MAPK13: variants seen among roughly 807,000 people sequenced by gnomAD.
The protein encoded by MAPK13 is mitogen-activated protein kinase 13.
MAPK13 carries 39 observed loss-of-function variants against 53.5 expected under a neutral mutation model. That is an observed-to-expected ratio of 0.73 (90% CI 0.56 to 0.95). The LOEUF is 0.95. Among genes scored for constraint, MAPK13 ranks in the 40% least tolerant of loss-of-function variants. The pLI, the probability that MAPK13 is intolerant of heterozygous loss-of-function variation, is 0.00. For synonymous variants in MAPK13, 179 were observed against 190.9 expected (o/e 0.94, Z 0.51); for missense variants, 460 against 471.8 (o/e 0.98, Z 0.23).
At chr6:36,135,000 G>A (rs958035066) in intron 3 of MAPK13, among the ~76,000 whole-genome samples, 1 of 152,184 alleles carries the variant, frequency 6.6e-6, no homozygotes, top group Non-Finnish European at 1.5e-5. Context: ...GGGCGACAGA[G>A]CAAGACTCCA....
chr6:36,136,039 C>A lies in MAPK13; in HGVS notation c.438C>A (p.Val146=). The A allele has an allele frequency of 2.5e-6, 4 of 1,614,068 alleles. No homozygotes were observed. The highest frequency in any genetic ancestry group is 3.4e-6 in the Non-Finnish European group (4 of 1,180,008). ...KGLKYIHSAG[V]VHRDLKPGNL... is the part of the protein sequence containing the mutation. ...CATAGTACATCCACTCTGCTGGGGTCGTGCACAGGGTGAGTGCTTTCTCTG... is the reference window on the plus strand; with the variant it reads ...CATAGTACATCCACTCTGCTGGGGTAGTGCACAGGGTGAGTGCTTTCTCTG... Residue 146 remains valine, a synonymous_variant, in exon 5 of 12, where the codon GTC becomes GTA. Coordinates refer to ENST00000211287, the MANE Select transcript of MAPK13 (RefSeq NM_002754.5).
chr6:36,139,492 C>T lies in MAPK13; in HGVS notation c.*119C>T, dbSNP rs1766491212. 1.3e-6 allele frequency: 1 copy of T among 781,938 alleles called. No homozygotes were observed. The highest frequency in any genetic ancestry group is 1.7e-5 in the African/African-American group (1 of 58,076). The allele number at this position is 781,938 out of a possible 1,614,324, so 48.4% of individuals were successfully genotyped here. On this transcript the variant is annotated 3_prime_UTR_variant, in exon 12 of 12. Coordinates refer to ENST00000211287, the MANE Select transcript of MAPK13 (RefSeq NM_002754.5). The stretch of plus-strand genomic sequence containing the variant: ...AAGCAGAGGACAGAAGGGTCCTTCT[C>T]CTTATGTGGGAAATGGGCCTAGTAG...
intron 3 of MAPK13, among the ~76,000 whole-genome samples, chr6:36,133,251 G>T (rs188184857): frequency 3.3e-5 from 5 of 152,352 alleles, no homozygotes; most frequent in African/African-American, 1.2e-4. Context: ...AATCTGGACT[G>T]ACCCTACAGG....
At chr6:36,131,019 GCAGA>G (rs960328904) in intron 1 of MAPK13, 1 of 537,788 alleles carries the variant, frequency 1.9e-6, no homozygotes, top group South Asian at 2.4e-5. Context: ...TCGCCAAGTT[GCAGA>G]CAGAGTGAGA....
chr6:36,138,743 G>A lies in MAPK13; in HGVS notation c.804G>A (p.Lys268=). Residue 268 remains lysine, a synonymous_variant, in exon 10 of 12, where the codon AAG becomes AAA. Coordinates refer to ENST00000211287, the MANE Select transcript of MAPK13 (RefSeq NM_002754.5). ...YIQSLPQTPR[K]DFTQLFPRAS... is the part of the protein sequence containing the mutation. ...AGTCCCTGCCACAGACCCCCAGGAA[G>A]GATTTCACTCAGCTGTTCCCACGGG... The A allele has an allele frequency of 6.2e-7, 1 of 1,614,190 alleles. No homozygotes were observed. Among genetic ancestry groups the A allele is most frequent in the Middle Eastern group, 1.6e-4 (1 of 6,062 alleles).
In MAPK13 at chr6:36,130,556, T is replaced by C. The variant is rs12191295; in HGVS notation, c.-27T>C. On this transcript the variant is annotated 5_prime_UTR_variant, in exon 1 of 12. Coordinates refer to ENST00000211287, the MANE Select transcript of MAPK13 (RefSeq NM_002754.5). This position sits in a 1 kb window ranked among gnomAD's most constrained non-coding sequence, Gnocchi z 4.5. ...TGGGCCGCGAACGCAGCCGCCACGC[T>C]GGGGCCGCCGAGATCGGGTGCCCGG... The C allele has an allele frequency of 0.95, 1,236,066 of 1,304,130 alleles. 585,982 individuals carry two copies. Among genetic ancestry groups the C allele is most frequent in the East Asian group, 1 (32,429 of 32,486 alleles). 80.8% of individuals were successfully genotyped at this position (1,304,130 alleles called of 1,614,324 possible). A position where few individuals can be genotyped will look rare whatever the true frequency, so the allele number is the denominator to read the frequency against.
At chr6:36,135,099 A>G (rs1766390790) in intron 3 of MAPK13, among the ~76,000 whole-genome samples, 1 of 152,274 alleles carries the variant, frequency 6.6e-6, no homozygotes, top group South Asian at 2.1e-4. Context: ...GCGATCGTCC[A>G]GCCTCCATCT....
At position 36,139,325 on chromosome 6, in the gene MAPK13, C is replaced by T. The variant is rs141183489; in HGVS notation, c.1050C>T (p.Ser350=). 86 of 1,614,138 alleles carry T rather than the reference C, an allele frequency of 5.3e-5. No individual in the cohort carries two copies. The East Asian group carries it at 1.8e-3, about 35-fold the overall frequency. Residue 350 remains serine (S), a synonymous_variant, in exon 12 of 12, where the codon AGC becomes AGT. Coordinates refer to ENST00000211287, the MANE Select transcript of MAPK13 (RefSeq NM_002754.5). ...TCTACAAGGAGATTGTGAACTTCAG[C>T]CCCATTGCCCGGAAGGACTCACGGC... ...QHIYKEIVNF[S]PIARKDSRRR... is the part of the protein sequence containing the mutation.
At chr6:36,132,234 G>C (rs961242810) in intron 2 of MAPK13, among the ~76,000 whole-genome samples, 11 of 152,236 alleles carry the variant, frequency 7.2e-5, no homozygotes, top group Admixed American at 5.9e-4. Context: ...CAGGGAGTTT[G>C]CTGGCTGAAA....
At chr6:36,136,398 T>G in intron 5 of MAPK13, 86 bp from the exon 6 acceptor site, 1 of 1,190,992 alleles carries the variant, frequency 8.4e-7, no homozygotes, top group Non-Finnish European at 1.2e-6. Context: ...GGGGCCTGGC[T>G]GAGGTCACAC....
At chr6:36,135,653 T>A (rs567130751) in intron 3 of MAPK13, 100 bp from the exon 4 acceptor site, 89 of 746,494 alleles carry the variant, frequency 1.2e-4, no homozygotes, top group South Asian at 8.1e-4. Context: ...CTGGAGGGTG[T>A]CTCTATGACC....
chr6:36,139,420 A>G lies in MAPK13; in HGVS notation c.*47A>G. The G allele has an allele frequency of 6.6e-7, 1 of 1,507,046 alleles. No individual in the cohort carries two copies. Among genetic ancestry groups the G allele is most frequent in the Non-Finnish European group, 9.2e-7 (1 of 1,083,208 alleles). The allele number at this position is 1,507,046 out of a possible 1,614,324, so 93.4% of individuals were successfully genotyped here. A position where few individuals can be genotyped will look rare whatever the true frequency, so the allele number is the denominator to read the frequency against. ...GCCGGCCAGACACTGCCCAAGGACCAGTATTTGTCACTACCAAACTCAGCC... is the reference window on the plus strand; with the variant it reads ...GCCGGCCAGACACTGCCCAAGGACCGGTATTTGTCACTACCAAACTCAGCC... On this transcript the variant is annotated 3_prime_UTR_variant, in exon 12 of 12. Transcript: ENST00000211287.
chr6:36,136,123 G>A, intron 5 of MAPK13, 75 bp downstream of exon 5: 1 of 1,575,198 alleles, frequency 6.3e-7, no homozygotes, highest in Non-Finnish European at 8.7e-7. Context: ...GGCAATCAAG[G>A]AGTGGGAAAG....
In MAPK13 at chr6:36,139,599, C is replaced by T. The variant is rs186965301; in HGVS notation, c.*226C>T. On this transcript the variant is annotated 3_prime_UTR_variant, in exon 12 of 12. Coordinates refer to ENST00000211287, the MANE Select transcript of MAPK13 (RefSeq NM_002754.5). ...GTTAAACTGCCCATCTGGAGAATCG[C>T]CTGCAGGTGGGGCCCTTTCCTTCCC... The T allele has an allele frequency of 2.5e-5, 13 of 530,132 alleles. No homozygotes were observed. The highest frequency in any genetic ancestry group is 1.7e-4 in the Admixed American group (5 of 29,976). The allele number at this position is 530,132 out of a possible 1,614,324, so 32.8% of individuals were successfully genotyped here.
Position 36,138,958 on chromosome 6 carries a change from C to A in MAPK13, c.921C>A (p.Phe307Leu). ...CCGCGCAGGCCCTCACCCATCCCTT[C>A]TTTGAACCCTTCCGGGACCCTGAGG... is the stretch of plus-strand genomic sequence containing the variant. ...LTAAQALTHP[F>L]FEPFRDPEEE... The change falls in exon 11 of 12, where the codon TTC becomes TTA. Residue 307 changes from phenylalanine (F) to leucine (L), a missense_variant. Physicochemically the swap from Phe to Leu is conservative, Grantham distance 22. Transcript: ENST00000211287. 6.2e-7 allele frequency: 1 copy of A among 1,614,012 alleles called. No homozygotes were observed. The highest frequency in any genetic ancestry group is 8.5e-7 in the Non-Finnish European group (1 of 1,179,974).
At chr6:36,133,497 G>A (rs1179823083) in intron 3 of MAPK13, among the ~76,000 whole-genome samples, 1 of 152,228 alleles carries the variant, frequency 6.6e-6, no homozygotes, top group African/African-American at 2.4e-5. Flanking sequence ...TCCATCTGTT[G>A]GGGTGCAGTA....
At position 36,130,903 on chromosome 6, in the gene MAPK13, T is replaced by C. The variant is rs1351323136; in HGVS notation, c.119+202T>C. On this transcript the variant is annotated intron_variant, in intron 1 of 11. Coordinates refer to ENST00000211287, the MANE Select transcript of MAPK13 (RefSeq NM_002754.5). This position sits in a 1 kb window ranked among gnomAD's most constrained non-coding sequence, Gnocchi z 4.5. ...AGGTCTCTGGGGGTTGAGTTGGGAC[T>C]GGGCCTGGTTCTCCAGGACTGTACA... 5.8e-6 allele frequency: 3 copies of C among 513,198 alleles called. No homozygotes were observed. The allele number at this position is 513,198 out of a possible 1,614,324, so 31.8% of individuals were successfully genotyped here.
chr6:36,139,138 C>T, intron 11 of MAPK13, 83 bp downstream of exon 11: 1 of 1,457,728 alleles, frequency 6.9e-7, no homozygotes, highest in Non-Finnish European at 9.3e-7. Context: ...CTGGCCTCTG[C>T]CAGCCCTACC....
rs1346683715 is a variant in MAPK13 at position 36,138,964 on chromosome 6, A to G, written c.927A>G (p.Glu309=). Reference sequence around the variant, plus strand: ...AGGCCCTCACCCATCCCTTCTTTGAACCCTTCCGGGACCCTGAGGAAGAGA... The same window carrying G: ...AGGCCCTCACCCATCCCTTCTTTGAGCCCTTCCGGGACCCTGAGGAAGAGA... ...AAQALTHPFF[E]PFRDPEEETE... is the part of the protein sequence containing the mutation. The change falls in exon 11 of 12, where the codon GAA becomes GAG. Residue 309 remains glutamate, a synonymous_variant. Coordinates refer to ENST00000211287, the MANE Select transcript of MAPK13 (RefSeq NM_002754.5). 1 of 1,613,406 alleles carries G rather than the reference A, an allele frequency of 6.2e-7. No homozygotes were observed. Among genetic ancestry groups the G allele is most frequent in the East Asian group, 2.2e-5 (1 of 44,838 alleles).
Sources: gnomAD v4.1 joint callset for allele counts (sites outside exome capture counted in the v4.1 genomes callset) on GRCh38, gnomAD v4.1.1 for gene constraint, Gnocchi (gnomAD v3.1) non-coding constraint, MANE v1.5 for transcripts, NCBI Gene and HGNC (gene_info 2026-07-23, HGNC 2026-07-21) for gene names.